NAALADL2: variants seen among roughly 807,000 people sequenced by gnomAD.
NAALADL2 encodes the protein inactive N-acetylated-alpha-linked acidic dipeptidase-like protein 2.
Under a neutral mutation model 87.2 loss-of-function variants are expected in NAALADL2, and 76 were observed. That is an observed-to-expected ratio of 0.87 (90% CI 0.72 to 1.05). The LOEUF is 1.05. Among genes scored for constraint, NAALADL2 ranks in the 50% least tolerant of loss-of-function variants. The pLI is 0.00. For synonymous variants in NAALADL2, 354 were observed against 331.0 expected (o/e 1.07, Z -0.75); for missense variants, 1,089 against 945.8 (o/e 1.15, Z -1.99).
intron 6 of NAALADL2, among the ~76,000 whole-genome samples, chr3:175,447,880 A>G (rs967958115): frequency 6.6e-6 from 1 of 152,186 alleles, no homozygotes; most frequent in African/African-American, 2.4e-5. Flanking sequence ...ACCACGTAGG[A>G]TGAAACTGAA....
At chr3:174,925,629 G>T (rs1457817401) in intron 1 of NAALADL2, among the ~76,000 whole-genome samples, 1 of 152,162 alleles carries the variant, frequency 6.6e-6, no homozygotes, top group Admixed American at 6.5e-5. Context: ...TAGCTTGATG[G>T]GGATGGCAGC....
At chr3:174,471,069 A>T (rs567011413) in intron 1 of NAALADL2, among the ~76,000 whole-genome samples, 1 of 152,194 alleles carries the variant, frequency 6.6e-6, no homozygotes, top group African/African-American at 2.4e-5. Flanking sequence ...TTTCAGAGAA[A>T]GTTCCCAAGT....
chr3:175,513,905 G>A (rs1321137896), intron 9 of NAALADL2, among the ~76,000 whole-genome samples: 1 of 152,224 alleles, frequency 6.6e-6, no homozygotes, highest in Non-Finnish European at 1.5e-5. Flanking sequence ...CCTTTCCAAA[G>A]GGTGAGAGGA....
At chr3:175,659,722 G>T (rs896706778) in intron 11 of NAALADL2, among the ~76,000 whole-genome samples, 4 of 152,144 alleles carry the variant, frequency 2.6e-5, no homozygotes, top group African/African-American at 9.7e-5. Context: ...TCAATCAGAT[G>T]AATTTATCAT....
intron 11 of NAALADL2, chr3:175,675,687 C>T (rs1308771132): frequency 6.6e-6 from 1 of 152,060 alleles, no homozygotes; most frequent in Non-Finnish European, 1.5e-5. Context: ...TAGGAACTTT[C>T]CCATGTTTGA....
intron 1 of NAALADL2, among the ~76,000 whole-genome samples, chr3:175,046,985 A>C (rs1249070343): frequency 6.6e-6 from 1 of 152,170 alleles, no homozygotes; most frequent in Non-Finnish European, 1.5e-5. Context: ...GTGTCTGGCA[A>C]GGGACTGATT....
intron 1 of NAALADL2, among the ~76,000 whole-genome samples, chr3:175,082,411 G>A (rs1276755856): frequency 6.6e-6 from 1 of 152,014 alleles, no homozygotes. Context: ...ATCATAAAAT[G>A]GGATATTTTC....
chr3:175,382,298 A>C (rs1767877943), intron 5 of NAALADL2, among the ~76,000 whole-genome samples: 1 of 152,170 alleles, frequency 6.6e-6, no homozygotes, highest in Non-Finnish European at 1.5e-5. Flanking sequence ...AAGATTTTGA[A>C]GGGTAAACAC....
At chr3:175,535,548 G>A (rs1199377284) in intron 9 of NAALADL2, among the ~76,000 whole-genome samples, 2 of 152,284 alleles carry the variant, frequency 1.3e-5, no homozygotes, top group East Asian at 1.9e-4. Context: ...CACACTTTCT[G>A]TCTCAATCTC....
At chr3:175,085,916 C>T (rs932418612) in intron 1 of NAALADL2, among the ~76,000 whole-genome samples, 5 of 152,024 alleles carry the variant, frequency 3.3e-5, no homozygotes, top group Non-Finnish European at 7.4e-5. Context: ...GACTCCATCT[C>T]AGAAGATATA....
At chr3:174,743,405 A>G (rs1174055329) in intron 3 of NAALADL2, among the ~76,000 whole-genome samples, 2 of 152,000 alleles carry the variant, frequency 1.3e-5, no homozygotes, top group East Asian at 1.9e-4. Flanking sequence ...TTGAACTTGT[A>G]AAATTGAATT....
chr3:175,098,409 CAGGT>C (rs1721520881), intron 2 of NAALADL2, among the ~76,000 whole-genome samples: 2 of 152,226 alleles, frequency 1.3e-5, no homozygotes, highest in South Asian at 4.1e-4. Context: ...AGGGGATACT[CAGGT>C]AGCCCAGAAA....
chr3:175,114,183 C>T (rs935770232), intron 2 of NAALADL2, among the ~76,000 whole-genome samples: 1 of 151,632 alleles, frequency 6.6e-6, no homozygotes, highest in African/African-American at 2.4e-5. Flanking sequence ...AGGAAGCTGA[C>T]AGTCATAATT....
rs937769758 is a variant in NAALADL2, at chr3:175,568,947, G to C, written c.1654-7094G>C. Among the ~76,000 whole-genome samples the C allele has an allele frequency of 9.9e-5, 15 of 152,136 alleles. 1 individual carries two copies. The highest frequency in any genetic ancestry group is 2.0e-4 in the Admixed American group (3 of 15,274). On this transcript the variant is annotated intron_variant, in intron 9 of 13. Transcript: ENST00000454872. Reference sequence around the variant, plus strand: ...TGATATAAAAACATGATTTTATTTGGTTGCAAAGTTACAAGTACTACTAAT... The same window carrying C: ...TGATATAAAAACATGATTTTATTTGCTTGCAAAGTTACAAGTACTACTAAT...
intron 2 of NAALADL2, among the ~76,000 whole-genome samples, chr3:175,188,366 G>A (rs1247083541): frequency 6.6e-6 from 1 of 152,098 alleles, no homozygotes; most frequent in Admixed American, 6.5e-5. Flanking sequence ...CCCTACACCT[G>A]AGCTGGTATG....
intron 1 of NAALADL2, among the ~76,000 whole-genome samples, chr3:174,958,515 T>C (rs1037684187): frequency 1.3e-5 from 2 of 152,028 alleles, no homozygotes; most frequent in African/African-American, 4.8e-5. Flanking sequence ...ATTACTCCAA[T>C]AGTTATTGAA....
At position 175,501,484 on chromosome 3, in the gene NAALADL2, T is replaced by G. The variant is rs192864439; in HGVS notation, c.1653+29726T>G. ...TCTCATTGGCTCAGTGTAGGTCAGA[T>G]GTTCACATTTGGAGCTGGAGGTTGG... is the stretch of plus-strand genomic sequence containing the variant. On this transcript the variant is annotated intron_variant, in intron 9 of 13. Transcript: ENST00000454872. Among the ~76,000 whole-genome samples the G allele has an allele frequency of 2.0e-5, 3 of 149,216 alleles. No individual in the cohort carries two copies. In the East Asian group the frequency reaches 6.0e-4, roughly 30 times the overall value.
intron 3 of NAALADL2, among the ~76,000 whole-genome samples, chr3:174,824,219 G>T (rs903791720): frequency 9.9e-5 from 15 of 151,886 alleles, no homozygotes; most frequent in African/African-American, 3.6e-4. Flanking sequence ...ACTGGAAAAA[G>T]GTGCATATGT....
intron 1 of NAALADL2, among the ~76,000 whole-genome samples, chr3:175,078,319 A>G (rs1336797684): frequency 6.6e-6 from 1 of 152,110 alleles, no homozygotes; most frequent in African/African-American, 2.4e-5. Flanking sequence ...GAGCCACTGC[A>G]CACAGCCAAA....
Sources: allele counts gnomAD v4.1 joint callset (sites outside exome capture counted in the v4.1 genomes callset), GRCh38; gene constraint gnomAD v4.1.1; transcripts MANE v1.5; gene names NCBI Gene and HGNC (gene_info 2026-07-23, HGNC 2026-07-21).